ZNF445: variants seen among roughly 807,000 people sequenced by gnomAD.
The protein encoded by ZNF445 is zinc finger protein 445.
Under a neutral mutation model 93.9 loss-of-function variants are expected in ZNF445, and 19 were observed. The observed-to-expected ratio is 0.20, with a 90% CI of 0.14 to 0.30. The LOEUF (loss-of-function observed/expected upper bound fraction) is 0.30. ZNF445 is among the 10% of genes least tolerant of loss of function. The pLI, the probability that ZNF445 is intolerant of heterozygous loss-of-function variation, is 1.00. For synonymous variants in ZNF445, 449 were observed against 446.3 expected (o/e 1.01, Z -0.08); for missense variants, 1,058 against 1,259.4 (o/e 0.84, Z 2.42).
intron 4 of ZNF445, among the ~76,000 whole-genome samples, 161 bp from the exon 5 acceptor site, chr3:44,451,123 G>A (rs575653532): frequency 3.9e-5 from 6 of 152,146 alleles, no homozygotes; most frequent in African/African-American, 1.4e-4. Flanking sequence ...CAGGAAAGGG[G>A]TAGTGGGATG....
intron 1 of ZNF445, among the ~76,000 whole-genome samples, chr3:44,462,462 C>T (rs1055299728): frequency 5.9e-5 from 9 of 152,152 alleles, no homozygotes; most frequent in East Asian, 5.8e-4. Flanking sequence ...CAGTAGAAAC[C>T]GCTCATTGCT....
At chr3:44,457,855 CA>C (rs1253579712) in intron 2 of ZNF445, among the ~76,000 whole-genome samples, 1 of 150,720 alleles carries the variant, frequency 6.6e-6, no homozygotes, top group Non-Finnish European at 1.5e-5. Flanking sequence ...ACAAAAAATA[CA>C]AAAAAAATTA....
Position 44,434,122 on chromosome 3 carries a change from G to C in ZNF445, c.*12453C>G, listed in dbSNP as rs1027847414. On this transcript the variant is annotated 3_prime_UTR_variant, in exon 8 of 8. Coordinates refer to ENST00000396077, the MANE Select transcript of ZNF445 (RefSeq NM_181489.6). ...ATAGAATGTAACTATTGGAAAGAGAGAGAAAAAGGGCCTGGCTTGGTGGCT... is the reference window on the plus strand; with the variant it reads ...ATAGAATGTAACTATTGGAAAGAGACAGAAAAAGGGCCTGGCTTGGTGGCT... 2 of 152,022 alleles carry C rather than the reference G, an allele frequency of 1.3e-5. No homozygotes were observed. The highest frequency in any genetic ancestry group is 2.4e-5 in the African/African-American group (1 of 41,388). 9.4% of individuals were successfully genotyped at this position (152,022 alleles called of 1,614,324 possible).
rs1697715120 is a variant in ZNF445, at chr3:44,437,759, T to A, written c.*8816A>T. 2 of 152,238 alleles carry A rather than the reference T, an allele frequency of 1.3e-5. No homozygotes were observed. Among genetic ancestry groups the A allele is most frequent in the South Asian group, 4.1e-4 (2 of 4,836 alleles). 9.4% of individuals were successfully genotyped at this position (152,238 alleles called of 1,614,324 possible). On this transcript the variant is annotated 3_prime_UTR_variant, in exon 8 of 8. Transcript: ENST00000396077. ...TGGGGTTGGGGGGATTTCTTCAGTA[T>A]CATCCTTTCTGTGGTTTGCCAGAAA... is the stretch of plus-strand genomic sequence containing the variant.
intron 1 of ZNF445, among the ~76,000 whole-genome samples, chr3:44,475,855 T>C (rs2125687397): frequency 6.6e-6 from 1 of 151,980 alleles, no homozygotes; most frequent in African/African-American, 2.4e-5. Flanking sequence ...AAAAATTAGC[T>C]GGGCGTGGTG....
chr3:44,460,166 G>A (rs1698090720), intron 1 of ZNF445, among the ~76,000 whole-genome samples: 1 of 152,164 alleles, frequency 6.6e-6, no homozygotes. Context: ...CCAACAATAG[G>A]CCTAAAGAAA....
rs1001252851 is a variant in ZNF445, at chr3:44,442,744, G to A, written c.*3831C>T. 6.6e-6 allele frequency: 1 copy of A among 152,132 alleles called. No individual in the cohort carries two copies. The highest frequency in any genetic ancestry group is 1.5e-5 in the Non-Finnish European group (1 of 68,060). The allele number at this position is 152,132 out of a possible 1,614,324, so 9.4% of individuals were successfully genotyped here. On this transcript the variant is annotated 3_prime_UTR_variant, in exon 8 of 8. Coordinates refer to ENST00000396077, the MANE Select transcript of ZNF445 (RefSeq NM_181489.6). ...TGCAAGATGAGACCTGGTGCTCAGG[G>A]CAATCAGAAACTGTCAACTGAAGCC...
chr3:44,464,813 C>T (rs973034702), intron 1 of ZNF445, among the ~76,000 whole-genome samples: 5 of 152,092 alleles, frequency 3.3e-5, no homozygotes, highest in Admixed American at 6.6e-5. Flanking sequence ...CAGTGGCTCA[C>T]GGCTGTAATA....
At chr3:44,450,410 A>G in intron 6 of ZNF445, 37 bp downstream of exon 6, 1 of 1,613,928 alleles carries the variant, frequency 6.2e-7, no homozygotes, top group Non-Finnish European at 8.5e-7. Context: ...AGGCAGAAAT[A>G]AAGATGGATA....
chr3:44,455,463 T>C lies in ZNF445; in HGVS notation c.87A>G (p.Glu29=). 1 of 1,614,230 alleles carries C rather than the reference T, an allele frequency of 6.2e-7. No homozygotes were observed. Residue 29 remains glutamate (E), a synonymous_variant, in exon 3 of 8, where the codon GAA becomes GAG. Coordinates refer to ENST00000396077, the MANE Select transcript of ZNF445 (RefSeq NM_181489.6). ...CTGGAGTATAGCTTTCATCCTCTTC[T>C]TCCTTCTTTACTGTCTGAAGCCGCC... ...ERGRLQTVKK[E]EEDESYTPVQ... is the part of the protein sequence containing the mutation.
rs1209192849 is a variant in ZNF445, at chr3:44,438,648, A to C, written c.*7927T>G. ...CAGGCAATGATAGACTGGATTAAGA[A>C]AATGTGGCACACATACACCATGGAA... is the stretch of plus-strand genomic sequence containing the variant. On this transcript the variant is annotated 3_prime_UTR_variant, in exon 8 of 8. Transcript: ENST00000396077. The C allele has an allele frequency of 6.6e-6, 1 of 151,924 alleles. No homozygotes were observed. The highest frequency in any genetic ancestry group is 1.5e-5 in the Non-Finnish European group (1 of 67,982). 9.4% of individuals were successfully genotyped at this position (151,924 alleles called of 1,614,324 possible). A position where few individuals can be genotyped will look rare whatever the true frequency, so the allele number is the denominator to read the frequency against.
intron 1 of ZNF445, among the ~76,000 whole-genome samples, chr3:44,462,715 G>C (rs1698134147): frequency 6.6e-6 from 1 of 151,530 alleles, no homozygotes; most frequent in Non-Finnish European, 1.5e-5. Flanking sequence ...CCATCTCTTT[G>C]AGACACCTGT....
At position 44,443,955 on chromosome 3, in the gene ZNF445, A is replaced by G. The variant is rs200131881; in HGVS notation, c.*2620T>C. On this transcript the variant is annotated 3_prime_UTR_variant, in exon 8 of 8. Coordinates refer to ENST00000396077, the MANE Select transcript of ZNF445 (RefSeq NM_181489.6). ...GGAGTTTGAGACCAGCATGAGCAACATGGGAAAAAAAAATAAAAGTTTTGT... is the reference window on the plus strand; with the variant it reads ...GGAGTTTGAGACCAGCATGAGCAACGTGGGAAAAAAAAATAAAAGTTTTGT... 1 of 152,048 alleles carries G rather than the reference A, an allele frequency of 6.6e-6. No homozygotes were observed. The highest frequency in any genetic ancestry group is 1.9e-4 in the East Asian group (1 of 5,172). 9.4% of individuals were successfully genotyped at this position (152,048 alleles called of 1,614,324 possible). A position where few individuals can be genotyped will look rare whatever the true frequency, so the allele number is the denominator to read the frequency against.
At chr3:44,475,488 C>G (rs995765610) in intron 1 of ZNF445, among the ~76,000 whole-genome samples, 5 of 152,120 alleles carry the variant, frequency 3.3e-5, no homozygotes, top group African/African-American at 1.2e-4. Context: ...GCATGAGCCA[C>G]CATGCTCAGC....
rs1237396755 is a variant in ZNF445, at chr3:44,451,306, G to A, written c.598+8C>T. On this transcript the variant is annotated splice_region_variant and intron_variant, in intron 4 of 7. Coordinates refer to ENST00000396077, the MANE Select transcript of ZNF445 (RefSeq NM_181489.6). ...AAGGCTGGGGTCTTAAGGCCAGGCAGCAAGTACCGGATTGCCCAGCCAGGA... is the reference window on the plus strand; with the variant it reads ...AAGGCTGGGGTCTTAAGGCCAGGCAACAAGTACCGGATTGCCCAGCCAGGA... 1 of 1,611,190 alleles carries A rather than the reference G, an allele frequency of 6.2e-7. No individual in the cohort carries two copies. The highest frequency in any genetic ancestry group is 1.7e-5 in the Admixed American group (1 of 59,932).
In ZNF445 at chr3:44,437,803, CA is replaced by C. The variant is rs1697716252; in HGVS notation, c.*8771del. Reference sequence around the variant, plus strand: ...CCAGAAATATGTTACAGGACCCCAACACTTACGCAAAGGTAGCCGTTGGGTC... The same window carrying C: ...CCAGAAATATGTTACAGGACCCCAACCTTACGCAAAGGTAGCCGTTGGGTC... On this transcript the variant is annotated 3_prime_UTR_variant, in exon 8 of 8. Coordinates refer to ENST00000396077, the MANE Select transcript of ZNF445 (RefSeq NM_181489.6). The C allele has an allele frequency of 6.6e-6, 1 of 152,208 alleles. No individual in the cohort carries two copies. Among genetic ancestry groups the C allele is most frequent in the African/African-American group, 2.4e-5 (1 of 41,448 alleles). 9.4% of individuals were successfully genotyped at this position (152,208 alleles called of 1,614,324 possible). A position where few individuals can be genotyped will look rare whatever the true frequency, so the allele number is the denominator to read the frequency against.
intron 1 of ZNF445, among the ~76,000 whole-genome samples, chr3:44,465,065 T>TAAA (rs34412481): frequency 1.1e-3 from 130 of 113,348 alleles, no homozygotes; most frequent in African/African-American, 4.1e-3. Flanking sequence ...AGACTCCGCC[T>TAAA]AAAAAAAAAA....
intron 1 of ZNF445, among the ~76,000 whole-genome samples, chr3:44,474,386 T>C (rs1055733225): frequency 2.0e-5 from 3 of 152,090 alleles, no homozygotes; most frequent in African/African-American, 7.2e-5. Context: ...TGGTGGCACA[T>C]GCCTGTAATC....
chr3:44,477,669 C>T lies in ZNF445; in HGVS notation c.-347G>A, dbSNP rs1406785018. ...GTCCCGCGCCTACCTCCCGGCGGCT[C>T]CAGTCGCGCACGCGCGTCGGCGCCC... On this transcript the variant is annotated 5_prime_UTR_variant, in exon 1 of 8. Coordinates refer to ENST00000396077, the MANE Select transcript of ZNF445 (RefSeq NM_181489.6). The T allele has an allele frequency of 6.6e-6, 1 of 152,466 alleles. No individual in the cohort carries two copies. The highest frequency in any genetic ancestry group is 1.5e-5 in the Non-Finnish European group (1 of 68,154). 9.4% of individuals were successfully genotyped at this position (152,466 alleles called of 1,614,324 possible).
Sources: gnomAD v4.1 joint callset for allele counts (sites outside exome capture counted in the v4.1 genomes callset) on GRCh38, gnomAD v4.1.1 for gene constraint, MANE v1.5 for transcripts, NCBI Gene and HGNC (gene_info 2026-07-23, HGNC 2026-07-21) for gene names.